Variants in AGBL4 observed in about 807,000 individuals in gnomAD.
AGBL4 encodes AGBL carboxypeptidase 4.
A neutral mutation model predicts 66.4 loss-of-function variants in AGBL4; 58 were observed. The observed-to-expected ratio is 0.87, with a 90% CI of 0.71 to 1.09. The LOEUF (loss-of-function observed/expected upper bound fraction) is 1.09. Among genes scored for constraint, AGBL4 ranks in the 50% least tolerant of loss-of-function variants. The probability of loss-of-function intolerance (pLI) is 0.00; values close to 1 mark genes in which losing one functional copy is unlikely to be tolerated. For synonymous variants in AGBL4, 234 were observed against 222.9 expected (o/e 1.05, Z -0.44); for missense variants, 579 against 631.0 (o/e 0.92, Z 0.88).
chr1:48,634,553 T>G lies in AGBL4; in HGVS notation c.891A>C (p.Pro297=), dbSNP rs755914542. ...DLNRHWLDPS[P]WVHPTLHGVK... ...CTCCATGCAGGGTAGGATGGACCCATGGAGAGGGATCCAGCCAGTGACGAT... is the reference window on the plus strand; with the variant it reads ...CTCCATGCAGGGTAGGATGGACCCAGGGAGAGGGATCCAGCCAGTGACGAT... The change falls in exon 9 of 14, where the codon CCA becomes CCC. Residue 297 remains proline, a synonymous_variant. Transcript: ENST00000371839. The G allele has an allele frequency of 6.2e-7, 1 of 1,606,794 alleles. No individual in the cohort carries two copies. Among genetic ancestry groups the G allele is most frequent in the Non-Finnish European group, 8.5e-7 (1 of 1,176,654 alleles).
intron 4 of AGBL4, among the ~76,000 whole-genome samples, chr1:49,109,846 T>C (rs1246198661): frequency 6.6e-6 from 1 of 152,164 alleles, no homozygotes; most frequent in Non-Finnish European, 1.5e-5. Flanking sequence ...TTAACCCCAA[T>C]ACTATGTTTT....
At chr1:49,604,037 T>C (rs1411251064) in intron 3 of AGBL4, among the ~76,000 whole-genome samples, 1 of 151,870 alleles carries the variant, frequency 6.6e-6, no homozygotes, top group African/African-American at 2.4e-5. Flanking sequence ...GTAATAAACA[T>C]ACACATGTAG....
At chr1:49,107,458 T>C (rs916505787) in intron 4 of AGBL4, among the ~76,000 whole-genome samples, 1 of 152,136 alleles carries the variant, frequency 6.6e-6, no homozygotes, top group Non-Finnish European at 1.5e-5. Flanking sequence ...GATTAGGATA[T>C]GGAGAAGATG....
chr1:48,963,560 C>A (rs1034275680), intron 5 of AGBL4, among the ~76,000 whole-genome samples: 58 of 151,338 alleles, frequency 3.8e-4, no homozygotes, highest in Admixed American at 2.3e-3. Context: ...GGCTTCCAGG[C>A]AGGCCCAGTA....
rs567263103 is a variant in AGBL4, at chr1:49,259,429, A to G, written c.283-13565T>C. On this transcript the variant is annotated intron_variant, in intron 3 of 13. Transcript: ENST00000371839. Reference sequence around the variant, plus strand: ...GGAAACCCATCTCATGTGCAGAGACACACATAGGCTCAAAATAAAAGGATG... The same window carrying G: ...GGAAACCCATCTCATGTGCAGAGACGCACATAGGCTCAAAATAAAAGGATG... Among the ~76,000 whole-genome samples, 281 of 152,298 alleles carry G rather than the reference A, an allele frequency of 1.8e-3. 1 individual carries two copies. Among genetic ancestry groups the G allele is most frequent in the African/African-American group, 6.5e-3 (271 of 41,558 alleles).
intron 1 of AGBL4, among the ~76,000 whole-genome samples, chr1:49,861,288 T>A (rs535287828): frequency 2.6e-5 from 4 of 152,110 alleles, no homozygotes; most frequent in Non-Finnish European, 5.9e-5. Flanking sequence ...TACTGAGATA[T>A]CAGCTGGGGC....
At chr1:49,121,714 T>C (rs1645657389) in intron 4 of AGBL4, among the ~76,000 whole-genome samples, 1 of 152,206 alleles carries the variant, frequency 6.6e-6, no homozygotes, top group South Asian at 2.1e-4. Context: ...CCAAACGCCA[T>C]GCTGGGAGAA....
At chr1:49,751,401 T>C (rs1448875444) in intron 2 of AGBL4, among the ~76,000 whole-genome samples, 1 of 152,206 alleles carries the variant, frequency 6.6e-6, no homozygotes, top group African/African-American at 2.4e-5. Flanking sequence ...TTAAGTATGT[T>C]GAACCAGCCT....
At chr1:49,480,440 G>T (rs1324435181) in intron 3 of AGBL4, among the ~76,000 whole-genome samples, 1 of 150,982 alleles carries the variant, frequency 6.6e-6, no homozygotes, top group Non-Finnish European at 1.5e-5. Flanking sequence ...GTCTTCTTTT[G>T]AGAAGTATCT....
intron 3 of AGBL4, among the ~76,000 whole-genome samples, chr1:49,547,432 A>G (rs530322640): frequency 5.3e-5 from 8 of 152,296 alleles, no homozygotes; most frequent in Non-Finnish European, 1.0e-4. Context: ...GAAATCAGGT[A>G]GTGTGATGCT....
At chr1:49,848,115 T>C (rs1046220924) in intron 2 of AGBL4, among the ~76,000 whole-genome samples, 2 of 152,230 alleles carry the variant, frequency 1.3e-5, no homozygotes, top group East Asian at 1.9e-4. Context: ...AAAAAAATAA[T>C]AGATGTTGTT....
At chr1:49,400,395 AT>A (rs138394533) in intron 3 of AGBL4, among the ~76,000 whole-genome samples, 103,654 of 151,804 alleles carry the variant, frequency 0.68, 36,089 homozygotes, top group African/African-American at 0.77. Context: ...CATTTTAGGA[AT>A]TTTTTTTCTA....
At position 49,394,628 on chromosome 1, in the gene AGBL4, T is replaced by C. The variant is rs1302787311; in HGVS notation, c.283-148764A>G. 5.3e-5 allele frequency among the ~76,000 whole-genome samples: 8 copies of C among 152,124 alleles called. No individual in the cohort carries two copies. The East Asian group carries it at 1.5e-3, about 29-fold the overall frequency. ...AAGAAAAACGTAAACCCTGAAAACA[T>C]ATTAAAAGTTTCTTAAATTGAGAAT... On this transcript the variant is annotated intron_variant, in intron 3 of 13. Transcript: ENST00000371839.
chr1:49,695,597 G>C (rs76550531), intron 3 of AGBL4, among the ~76,000 whole-genome samples: 3 of 152,036 alleles, frequency 2.0e-5, no homozygotes, highest in African/African-American at 7.2e-5. Context: ...ACTGAAAAGG[G>C]AACTCTGCCA....
intron 6 of AGBL4, among the ~76,000 whole-genome samples, chr1:48,735,860 T>C (rs776504318): frequency 6.6e-6 from 1 of 152,020 alleles, no homozygotes; most frequent in Non-Finnish European, 1.5e-5. Context: ...GAGCAATACC[T>C]CACCATACAC....
intron 3 of AGBL4, among the ~76,000 whole-genome samples, chr1:49,274,259 C>G (rs945828776): frequency 6.6e-6 from 1 of 151,948 alleles, no homozygotes; most frequent in Non-Finnish European, 1.5e-5. Context: ...AGTCTTTAGA[C>G]CTGAAATTAA....
At chr1:48,947,229 T>C (rs1271455113) in intron 5 of AGBL4, among the ~76,000 whole-genome samples, 2 of 152,242 alleles carry the variant, frequency 1.3e-5, no homozygotes, top group Non-Finnish European at 2.9e-5. Context: ...TCTTAGCACC[T>C]TGTGCTTCTC....
intron 6 of AGBL4, among the ~76,000 whole-genome samples, chr1:48,677,664 T>C (rs1646388162): frequency 6.6e-6 from 1 of 152,040 alleles, no homozygotes; most frequent in Admixed American, 6.5e-5. Context: ...TCCAAAACCC[T>C]GCGCTCTTCC....
chr1:49,859,789 G>A (rs945719428), intron 1 of AGBL4, among the ~76,000 whole-genome samples: 2 of 151,866 alleles, frequency 1.3e-5, no homozygotes, highest in East Asian at 1.9e-4. Flanking sequence ...AGAAATTAAA[G>A]CTGTACATAC....
Sources: allele counts gnomAD v4.1 joint callset (sites outside exome capture counted in the v4.1 genomes callset), GRCh38; gene constraint gnomAD v4.1.1; transcripts MANE v1.5; gene names NCBI Gene and HGNC (gene_info 2026-07-23, HGNC 2026-07-21).